Variants in TAFA2 observed in about 807,000 individuals in gnomAD.
TAFA2 encodes the protein chemokine-like protein TAFA-2.
TAFA2 carries 7 observed loss-of-function variants against 18.8 expected under a neutral mutation model. That is an observed-to-expected ratio of 0.37 (90% CI 0.21 to 0.70). TAFA2 has a LOEUF of 0.70. Among genes scored for constraint, TAFA2 ranks in the 30% least tolerant of loss-of-function variants. The probability of loss-of-function intolerance (pLI) is 0.53; values close to 1 mark genes in which losing one functional copy is unlikely to be tolerated. For missense variants in TAFA2, 122 were observed against 158.1 expected, an observed-to-expected ratio of 0.77 and a Z score of 1.23; for synonymous variants, 60 against 54.2, an observed-to-expected ratio of 1.11 and a Z score of -0.47.
intron 1 of TAFA2, among the ~76,000 whole-genome samples, chr12:61,996,317 A>T (rs990019291): frequency 1.3e-5 from 2 of 150,246 alleles, no homozygotes; most frequent in African/African-American, 4.9e-5. Context: ...ACCTCCTGTG[A>T]CCCATTTCCC....
At chr12:61,827,289 T>A (rs1387390502) in intron 2 of TAFA2, 2 of 152,054 alleles carry the variant, frequency 1.3e-5, no homozygotes, top group Non-Finnish European at 2.9e-5. Context: ...TAGAATTTTA[T>A]GAGAAAGCAA....
At chr12:61,935,461 T>C (rs1877723330) in intron 1 of TAFA2, among the ~76,000 whole-genome samples, 1 of 152,196 alleles carries the variant, frequency 6.6e-6, no homozygotes, top group Non-Finnish European at 1.5e-5. Flanking sequence ...TACCAAGAGT[T>C]GATGTGCTAC....
intron 1 of TAFA2, among the ~76,000 whole-genome samples, chr12:62,189,005 A>C (rs534724917): frequency 7.6e-4 from 115 of 152,300 alleles, no homozygotes; most frequent in African/African-American, 2.5e-3. Flanking sequence ...GCAATATCAC[A>C]TATACTTAGA....
intron 1 of TAFA2, among the ~76,000 whole-genome samples, chr12:62,122,709 G>A (rs1408725940): frequency 1.3e-5 from 2 of 152,006 alleles, no homozygotes; most frequent in Non-Finnish European, 2.9e-5. Flanking sequence ...ACATACAAAG[G>A]GCTAGGAACC....
chr12:62,222,500 TTTA>T (rs529565040), intron 1 of TAFA2, among the ~76,000 whole-genome samples: 24 of 151,274 alleles, frequency 1.6e-4, no homozygotes, highest in East Asian at 1.5e-3. Context: ...AAGGATATTA[TTTA>T]TTATTATTAT....
intron 1 of TAFA2, chr12:61,879,594 G>T (rs1386114206): frequency 3.9e-6 from 3 of 768,108 alleles, no homozygotes; most frequent in Non-Finnish European, 4.7e-6. Flanking sequence ...GCACACCCAG[G>T]AGAAGGAGCA....
At chr12:62,166,982 C>A (rs2062444850) in intron 1 of TAFA2, among the ~76,000 whole-genome samples, 1 of 151,888 alleles carries the variant, frequency 6.6e-6, no homozygotes, top group Non-Finnish European at 1.5e-5. Flanking sequence ...GCTACATGCA[C>A]AAATGAAGTG....
At chr12:61,741,364 CAT>C (rs1036110062) in intron 4 of TAFA2, among the ~76,000 whole-genome samples, 8 of 151,380 alleles carry the variant, frequency 5.3e-5, no homozygotes, top group African/African-American at 1.9e-4. Context: ...CACACACACA[CAT>C]ATATATGTGT....
intron 1 of TAFA2, among the ~76,000 whole-genome samples, chr12:61,989,112 A>T (rs1879913186): frequency 6.6e-6 from 1 of 152,164 alleles, no homozygotes; most frequent in African/African-American, 2.4e-5. Context: ...AACATGATAA[A>T]TTTAAAGGAA....
chr12:61,956,032 C>T (rs1055197837), intron 1 of TAFA2, among the ~76,000 whole-genome samples: 7 of 151,942 alleles, frequency 4.6e-5, no homozygotes, highest in Non-Finnish European at 8.8e-5. Context: ...CAATAACACA[C>T]GAATAACAGT....
intron 1 of TAFA2, among the ~76,000 whole-genome samples, chr12:62,014,232 C>T (rs1373612798): frequency 6.6e-6 from 1 of 152,038 alleles, no homozygotes; most frequent in Non-Finnish European, 1.5e-5. Flanking sequence ...ATTAGTGGAC[C>T]AACTTTGGCA....
chr12:62,009,482 T>C (rs1880660315), intron 1 of TAFA2, among the ~76,000 whole-genome samples: 1 of 152,154 alleles, frequency 6.6e-6, no homozygotes, highest in East Asian at 1.9e-4. Flanking sequence ...GCACAGATGA[T>C]TTCCGATTTG....
chr12:61,812,724 C>T (rs1419588886), intron 2 of TAFA2, among the ~76,000 whole-genome samples: 2 of 150,876 alleles, frequency 1.3e-5, no homozygotes, highest in Non-Finnish European at 2.9e-5. Context: ...CGCCCCCTGC[C>T]ACGCCCGGAT....
At chr12:61,848,038 G>C (rs1873478430) in intron 2 of TAFA2, among the ~76,000 whole-genome samples, 1 of 152,066 alleles carries the variant, frequency 6.6e-6, no homozygotes, top group Non-Finnish European at 1.5e-5. Context: ...TCAATTGATG[G>C]ATTTTCTCGA....
At chr12:61,764,121 A>G (rs1869681909) in intron 2 of TAFA2, among the ~76,000 whole-genome samples, 1 of 151,928 alleles carries the variant, frequency 6.6e-6, no homozygotes, top group Non-Finnish European at 1.5e-5. Flanking sequence ...TAACAGTCAC[A>G]CCTCCTACAT....
intron 1 of TAFA2, among the ~76,000 whole-genome samples, chr12:62,095,847 C>A (rs1868927507): frequency 6.6e-6 from 1 of 152,086 alleles, no homozygotes; most frequent in Non-Finnish European, 1.5e-5. Context: ...AAGTTTGAAC[C>A]AGTCTTTGTG....
chr12:61,908,147 G>A (rs1009425644), intron 1 of TAFA2, among the ~76,000 whole-genome samples: 1 of 152,146 alleles, frequency 6.6e-6, no homozygotes, highest in South Asian at 2.1e-4. Context: ...GTTTTGAAAT[G>A]TGAGGAAATT....
At chr12:62,012,911 C>T (rs1441125323) in intron 1 of TAFA2, among the ~76,000 whole-genome samples, 1 of 152,290 alleles carries the variant, frequency 6.6e-6, no homozygotes, top group African/African-American at 2.4e-5. Context: ...ATGCTACAGA[C>T]AAAATTGCCC....
At chr12:62,043,228 G>A (rs374084562) in intron 1 of TAFA2, among the ~76,000 whole-genome samples, 1 of 152,052 alleles carries the variant, frequency 6.6e-6, no homozygotes, top group Non-Finnish European at 1.5e-5. Context: ...GTCCAACAAC[G>A]ATAGACTAGA....
Sources: allele counts gnomAD v4.1 joint callset (sites outside exome capture counted in the v4.1 genomes callset), GRCh38; gene constraint gnomAD v4.1.1; transcripts MANE v1.5; gene names NCBI Gene and HGNC (gene_info 2026-07-23, HGNC 2026-07-21).